The following LRIG3 variants were observed in gnomAD, a reference collection of about 807,000 sequenced individuals.
LRIG3 encodes the protein leucine-rich repeats and immunoglobulin-like domains protein 3.
A neutral mutation model predicts 114.5 loss-of-function variants in LRIG3; 76 were observed. The ratio of observed to expected loss-of-function variants is 0.66; its 90% confidence interval spans 0.55 to 0.80. The LOEUF is 0.80. Among genes scored for constraint, LRIG3 ranks in the 30% least tolerant of loss-of-function variants. The pLI is 0.00. For synonymous variants in LRIG3, 512 were observed against 519.8 expected (o/e 0.98, Z 0.20); for missense variants, 1,239 against 1,382.8 (o/e 0.90, Z 1.65).
chr12:58,879,253 G>T, intron 13 of LRIG3, 148 bp from the exon 14 acceptor site: 1 of 905,560 alleles, frequency 1.1e-6, no homozygotes, highest in Non-Finnish European at 1.6e-6. Flanking sequence ...TTCAAGTCAA[G>T]GAAACTAAAG....
At chr12:58,897,985 T>G (rs971054173) in intron 3 of LRIG3, among the ~76,000 whole-genome samples, 1 of 152,284 alleles carries the variant, frequency 6.6e-6, no homozygotes, top group East Asian at 1.9e-4. Flanking sequence ...ATAAAACGAA[T>G]GGGTACAAGA....
At chr12:58,876,675 G>A (rs1870930073) in intron 15 of LRIG3, 72 bp from the exon 16 acceptor site, 1 of 1,525,494 alleles carries the variant, frequency 6.6e-7, no homozygotes, top group Non-Finnish European at 9.0e-7. Context: ...CCGGGTGAAT[G>A]GCATAGACTA....
chr12:58,905,054 G>C (rs1210065669), intron 3 of LRIG3, among the ~76,000 whole-genome samples: 1 of 152,178 alleles, frequency 6.6e-6, no homozygotes, highest in Non-Finnish European at 1.5e-5. Flanking sequence ...AGAACACAGG[G>C]CTGGAACAAC....
Position 58,887,818 on chromosome 12 carries a change from G to A in LRIG3, c.1062C>T (p.Ala354=), listed in dbSNP as rs1871324577. The A allele has an allele frequency of 1.2e-6, 2 of 1,613,662 alleles. No individual in the cohort carries two copies. The highest frequency in any genetic ancestry group is 1.7e-5 in the Admixed American group (1 of 59,984). ...NNRVSYIADC[A]FRGLSSLKTL... ...TCTTTAAACTGGAAAGCCCCCGGAA[G>A]GCACAATCAGCAATGTAGCTGACTC... The change falls in exon 8 of 19, where the codon GCC becomes GCT. Residue 354 remains alanine (A), a synonymous_variant. Transcript: ENST00000320743.
Position 58,913,921 on chromosome 12 carries a change from T to C in LRIG3, c.383+61A>G. ...TCTAAGATCTCTATGCTAGTCCCTA[T>C]GGAACTCCCACTCAAGGTTCCTGCA... On this transcript the variant is annotated intron_variant, in intron 3 of 18. Transcript: ENST00000320743. 2.8e-6 allele frequency: 4 copies of C among 1,406,894 alleles called. No homozygotes were observed. In the South Asian group the frequency reaches 4.9e-5, roughly 17 times the overall value. 87.2% of individuals were successfully genotyped at this position (1,406,894 alleles called of 1,614,324 possible).
chr12:58,872,525 G>A lies in LRIG3; in HGVS notation c.*47C>T, dbSNP rs1257283363. The A allele has an allele frequency of 2.7e-6, 4 of 1,484,902 alleles. No individual in the cohort carries two copies. Among genetic ancestry groups the A allele is most frequent in the Non-Finnish European group, 3.6e-6 (4 of 1,113,246 alleles). The allele number at this position is 1,484,902 out of a possible 1,614,324, so 92.0% of individuals were successfully genotyped here. A position where few individuals can be genotyped will look rare whatever the true frequency, so the allele number is the denominator to read the frequency against. On this transcript the variant is annotated 3_prime_UTR_variant, in exon 19 of 19. Coordinates refer to ENST00000320743, the MANE Select transcript of LRIG3 (RefSeq NM_153377.5). ...AAGATTCTCTCTCTTTTAAATAAAAGTTCACTTGAGGTAGTATGTTAAGCT... is the reference window on the plus strand; with the variant it reads ...AAGATTCTCTCTCTTTTAAATAAAAATTCACTTGAGGTAGTATGTTAAGCT...
chr12:58,885,501 T>G (rs1342213375), intron 10 of LRIG3, among the ~76,000 whole-genome samples: 3 of 152,126 alleles, frequency 2.0e-5, no homozygotes, highest in Non-Finnish European at 4.4e-5. Flanking sequence ...CAATGCCTGA[T>G]ATATAGTGGA....
intron 3 of LRIG3, among the ~76,000 whole-genome samples, chr12:58,896,872 T>G (rs984148298): frequency 9.2e-5 from 14 of 152,188 alleles, no homozygotes; most frequent in Admixed American, 3.3e-4. Flanking sequence ...ATATATAACT[T>G]GCAAACAACC....
At chr12:58,887,042 T>C in intron 8 of LRIG3, 152 bp from the exon 9 acceptor site, 1 of 592,672 alleles carries the variant, frequency 1.7e-6, no homozygotes. Flanking sequence ...TTTCTCCAAC[T>C]TACCTCTTAC....
At position 58,887,783 on chromosome 12, in the gene LRIG3, A is replaced by T; in HGVS notation, c.1091+6T>A. 1 of 1,612,686 alleles carries T rather than the reference A, an allele frequency of 6.2e-7. No homozygotes were observed. Among genetic ancestry groups the T allele is most frequent in the Non-Finnish European group, 8.5e-7 (1 of 1,179,302 alleles). On this transcript the variant is annotated splice_donor_region_variant and intron_variant, in intron 8 of 18. Transcript: ENST00000320743. ...TCGAGTACTGACAGCAAAACGTGTA[A>T]CTTACAAAGTCTTTAAACTGGAAAG...
rs1872438877 is a variant in LRIG3 at position 58,915,325 on chromosome 12, T to G, written c.237-989A>C. ...AAGGGTTATCCAACCCATACTAATTTTTTTGGTGTTTAAAACGGAGTTTTT... is the reference window on the plus strand; with the variant it reads ...AAGGGTTATCCAACCCATACTAATTGTTTTGGTGTTTAAAACGGAGTTTTT... On this transcript the variant is annotated intron_variant, in intron 1 of 18. Transcript: ENST00000320743. Among the ~76,000 whole-genome samples the G allele has an allele frequency of 2.6e-5, 4 of 152,362 alleles. No individual in the cohort carries two copies. In the South Asian group the frequency reaches 8.3e-4, roughly 32 times the overall value.
rs755250046 is a variant in LRIG3 at position 58,887,797 on chromosome 12, T to C, written c.1083A>G (p.Leu361=). 8 of 1,613,572 alleles carry C rather than the reference T, an allele frequency of 5.0e-6. No individual in the cohort carries two copies. The highest frequency in any genetic ancestry group is 5.9e-6 in the Non-Finnish European group (7 of 1,179,680). ...ADCAFRGLSS[L]KTLDLKNNEI... is the part of the protein sequence containing the mutation. ...CAAAACGTGTAACTTACAAAGTCTT[T>C]AAACTGGAAAGCCCCCGGAAGGCAC... Residue 361 remains leucine, a synonymous_variant, in exon 8 of 19, where the codon TTA becomes TTG. Transcript: ENST00000320743.
chr12:58,886,798 A>G lies in LRIG3; in HGVS notation c.1172+12T>C. ...AAAGAGTGAGCTAAATTATGAGGCA[A>G]TTCATACTCACAGTCGCCTCAGTTT... is the stretch of plus-strand genomic sequence containing the variant. On this transcript the variant is annotated intron_variant, in intron 9 of 18. Transcript: ENST00000320743. 6 of 1,554,912 alleles carry G rather than the reference A, an allele frequency of 3.9e-6. No homozygotes were observed. The highest frequency in any genetic ancestry group is 5.3e-6 in the Non-Finnish European group (6 of 1,126,658).
intron 18 of LRIG3, 82 bp downstream of exon 18, chr12:58,873,973 A>G (rs1297667331): frequency 6.7e-7 from 1 of 1,502,630 alleles, no homozygotes; most frequent in Admixed American, 1.8e-5. Context: ...CCAGTTTGAC[A>G]TTCAAGGCTG....
Position 58,890,007 on chromosome 12 carries a change from T to A in LRIG3, c.648A>T (p.Gln216His). Residue 216 changes from glutamine to histidine, a missense_variant, in exon 5 of 19, where the codon CAA (glutamine) becomes CAT (histidine). Gln to His is a conservative substitution (Grantham distance 24). Coordinates refer to ENST00000320743, the MANE Select transcript of LRIG3 (RefSeq NM_153377.5). ...AIPPKMFKLP[Q>H]LQHLELNRNK... ...GACATTTTACTTACAGATGTTGCAG[T>A]TGGGGCAGTTTAAACATCTTGGGTG... 6.2e-7 allele frequency: 1 copy of A among 1,613,608 alleles called. No homozygotes were observed.
At chr12:58,904,260 T>C (rs187871372) in intron 3 of LRIG3, among the ~76,000 whole-genome samples, 22 of 151,990 alleles carry the variant, frequency 1.4e-4, no homozygotes, top group African/African-American at 5.3e-4. Flanking sequence ...GAAACCAAAA[T>C]AAGGAAGAGA....
At chr12:58,905,373 T>C (rs1872023364) in intron 3 of LRIG3, among the ~76,000 whole-genome samples, 1 of 152,252 alleles carries the variant, frequency 6.6e-6, no homozygotes, top group African/African-American at 2.4e-5. Flanking sequence ...CTCTCTTTTA[T>C]GTGTAAGTCA....
intron 1 of LRIG3, among the ~76,000 whole-genome samples, chr12:58,917,041 A>C (rs55978318): frequency 0.028 from 4,238 of 152,270 alleles, 192 homozygotes; most frequent in African/African-American, 0.097. Context: ...ACTGATCCAA[A>C]GTGACTCATA....
At chr12:58,909,849 T>C (rs565142814) in intron 3 of LRIG3, among the ~76,000 whole-genome samples, 1 of 152,358 alleles carries the variant, frequency 6.6e-6, no homozygotes, top group African/African-American at 2.4e-5. Context: ...CAGGCCACCA[T>C]GGCTTCTCAG....
Sources: allele counts gnomAD v4.1 joint callset (sites outside exome capture counted in the v4.1 genomes callset), GRCh38; gene constraint gnomAD v4.1.1; transcripts MANE v1.5; gene names NCBI Gene and HGNC (gene_info 2026-07-23, HGNC 2026-07-21).